ATOSA: variants seen among roughly 807,000 people sequenced by gnomAD.
ATOSA encodes atos homolog protein A.
At chr15:52,630,133 C>T in the ATOSA span, among the ~76,000 whole-genome samples, 5 of 152,058 alleles carry the variant, frequency 3.3e-5, no homozygotes. Context: ...AGTAGGCCTC[C>T]CTGTATTCCT....
At chr15:52,633,534 G>A in the ATOSA span, among the ~76,000 whole-genome samples, 1 of 152,094 alleles carries the variant, frequency 6.6e-6, no homozygotes, top group Non-Finnish European at 1.5e-5. Flanking sequence ...AGAAAGAGAA[G>A]GGGAGGTTCT....
At chr15:52,641,705 T>C in the ATOSA span, among the ~76,000 whole-genome samples, 1 of 152,228 alleles carries the variant, frequency 6.6e-6, no homozygotes, top group African/African-American at 2.4e-5. Flanking sequence ...TGGAAAATTA[T>C]AATTGTAAAT....
the ATOSA span, among the ~76,000 whole-genome samples, chr15:52,641,172 C>A: frequency 6.6e-6 from 1 of 152,140 alleles, no homozygotes; most frequent in Non-Finnish European, 1.5e-5. Context: ...TCGGTTTGTA[C>A]GTTAATCAAA....
chr15:52,657,360 A>C, the ATOSA span: 1 of 152,188 alleles, frequency 6.6e-6, no homozygotes, highest in African/African-American at 2.4e-5. Flanking sequence ...TCAATCATTA[A>C]GTCCCCAAAG....
chr15:52,605,982 T>C, the ATOSA span, among the ~76,000 whole-genome samples: 2 of 152,058 alleles, frequency 1.3e-5, no homozygotes, highest in African/African-American at 2.4e-5. Flanking sequence ...ATTATAATAA[T>C]ATGCCATAAT....
the ATOSA span, among the ~76,000 whole-genome samples, chr15:52,582,489 C>T: frequency 1.3e-5 from 2 of 152,158 alleles, no homozygotes; most frequent in South Asian, 4.1e-4. Context: ...TTAAATGCTG[C>T]TCTCTTACCA....
the ATOSA span, among the ~76,000 whole-genome samples, chr15:52,661,653 T>C: frequency 6.6e-6 from 1 of 152,214 alleles, no homozygotes; most frequent in African/African-American, 2.4e-5. Flanking sequence ...TGTTGTTTTG[T>C]TGTTGTTAGC....
chr15:52,586,900 C>T, the ATOSA span: 29 of 500,970 alleles, frequency 5.8e-5, no homozygotes, highest in Non-Finnish European at 8.0e-5. Flanking sequence ...ATTGAAGAGT[C>T]CTATTGAAGT....
At chr15:52,582,973 A>C in the ATOSA span, among the ~76,000 whole-genome samples, 6 of 152,302 alleles carry the variant, frequency 3.9e-5, no homozygotes, top group African/African-American at 1.4e-4. Context: ...CTGTAGTGCT[A>C]ATTTCTCTTT....
chr15:52,669,597 T>C, the ATOSA span, among the ~76,000 whole-genome samples: 1 of 152,228 alleles, frequency 6.6e-6, no homozygotes, highest in Non-Finnish European at 1.5e-5. Context: ...GACGCTAAAT[T>C]AATTCCATTC....
At chr15:52,692,456 A>G in the ATOSA span, among the ~76,000 whole-genome samples, 8 of 152,302 alleles carry the variant, frequency 5.3e-5, 1 homozygote, top group African/African-American at 1.9e-4. Flanking sequence ...TCCCAGGCTC[A>G]GGCAACCCTC....
the ATOSA span, chr15:52,581,911 G>A: frequency 2.7e-6 from 1 of 365,112 alleles, no homozygotes. Flanking sequence ...TCTAACTGGG[G>A]GTTTTGCTAT....
At chr15:52,620,272 T>C in the ATOSA span, among the ~76,000 whole-genome samples, 7 of 152,330 alleles carry the variant, frequency 4.6e-5, no homozygotes, top group South Asian at 6.2e-4. Context: ...AAGAGATTTA[T>C]GTAAGCGAGA....
At chr15:52,657,122 C>T in the ATOSA span, 1 of 151,998 alleles carries the variant, frequency 6.6e-6, no homozygotes, top group Non-Finnish European at 1.5e-5. Flanking sequence ...TTAAGGTAGC[C>T]GTTGGGTTAC....
the ATOSA span, among the ~76,000 whole-genome samples, chr15:52,646,350 T>C: frequency 6.6e-6 from 1 of 152,322 alleles, no homozygotes; most frequent in African/African-American, 2.4e-5. Context: ...TGTCATTTCT[T>C]GTGCAGAATG....
chr15:52,701,221 T>G, the ATOSA span, among the ~76,000 whole-genome samples: 1 of 147,246 alleles, frequency 6.8e-6, no homozygotes, highest in Non-Finnish European at 1.5e-5. Context: ...GCTCATGCCT[T>G]GTAATCCAAG....
the ATOSA span, among the ~76,000 whole-genome samples, chr15:52,699,443 T>TGCACA: frequency 1.7e-4 from 26 of 151,892 alleles, no homozygotes; most frequent in South Asian, 2.1e-3. Flanking sequence ...CAAATCCTTT[T>TGCACA]AATCCTATCT....
chr15:52,683,053 A>AC, the ATOSA span, among the ~76,000 whole-genome samples: 1 of 152,250 alleles, frequency 6.6e-6, no homozygotes, highest in Non-Finnish European at 1.5e-5. Context: ...CTTAGGGCTT[A>AC]GAAATACAAG....
chr15:52,627,226 G>A, the ATOSA span, among the ~76,000 whole-genome samples: 1 of 152,174 alleles, frequency 6.6e-6, no homozygotes, highest in African/African-American at 2.4e-5. Flanking sequence ...GGGAAGGGAA[G>A]GAGAAGGGTA....
Sources: allele counts gnomAD v4.1 joint callset (sites outside exome capture counted in the v4.1 genomes callset), GRCh38; gene constraint gnomAD v4.1.1; transcripts MANE v1.5; gene names NCBI Gene and HGNC (gene_info 2026-07-23, HGNC 2026-07-21).